Variants in PRLR observed in about 807,000 individuals in gnomAD.
The protein encoded by PRLR is hPRL receptor.
PRLR carries 13 observed loss-of-function variants against 40.2 expected under a neutral mutation model. That is an observed-to-expected ratio of 0.32 (90% confidence interval 0.21 to 0.51). The LOEUF (loss-of-function observed/expected upper bound fraction) is 0.51, where lower values mean the gene tolerates loss of function less well. Among genes scored for constraint, PRLR ranks in the 20% least tolerant of loss-of-function variants. The pLI, the probability that PRLR is intolerant of heterozygous loss-of-function variation, is 0.97. For synonymous variants in PRLR, 269 were observed against 278.7 expected (o/e 0.97, Z 0.35); for missense variants, 656 against 747.3 (o/e 0.88, Z 1.42).
At chr5:35,104,193 G>A (rs1000105672) in intron 2 of PRLR, among the ~76,000 whole-genome samples, 4 of 152,078 alleles carry the variant, frequency 2.6e-5, no homozygotes, top group African/African-American at 4.8e-5. Context: ...CTCACCCTCC[G>A]TCCACATGTA....
intron 1 of PRLR, among the ~76,000 whole-genome samples, chr5:35,131,863 T>C (rs573906482): frequency 5.9e-5 from 9 of 152,316 alleles, no homozygotes; most frequent in African/African-American, 2.2e-4. Flanking sequence ...TTCACTGCTA[T>C]GATGTCTTGT....
At chr5:35,136,933 C>T (rs774940967) in intron 1 of PRLR, among the ~76,000 whole-genome samples, 1 of 141,624 alleles carries the variant, frequency 7.1e-6, no homozygotes, top group Admixed American at 6.8e-5. Context: ...AGAACTATTG[C>T]CTTCCAGAAA....
At chr5:35,077,939 T>G (rs913417113) in intron 5 of PRLR, among the ~76,000 whole-genome samples, 40 of 152,318 alleles carry the variant, frequency 2.6e-4, no homozygotes, top group African/African-American at 9.6e-4. Context: ...CTGAACAACC[T>G]GCTCCTGAAT....
intron 2 of PRLR, among the ~76,000 whole-genome samples, chr5:35,107,135 A>G (rs1219475909): frequency 6.6e-6 from 1 of 152,248 alleles, no homozygotes; most frequent in Non-Finnish European, 1.5e-5. Context: ...TACTGGGTAA[A>G]TAAGTAAATG....
intron 1 of PRLR, among the ~76,000 whole-genome samples, chr5:35,128,542 C>A (rs749832307): frequency 6.0e-5 from 9 of 149,632 alleles, no homozygotes; most frequent in Non-Finnish European, 7.4e-5. Flanking sequence ...ATGTTTTATC[C>A]TTGATTGGTT....
chr5:35,150,950 A>G (rs903191621), intron 1 of PRLR, among the ~76,000 whole-genome samples: 1 of 152,194 alleles, frequency 6.6e-6, no homozygotes, highest in Non-Finnish European at 1.5e-5. Flanking sequence ...AATAGTAGGC[A>G]TATAAAACAT....
intron 2 of PRLR, among the ~76,000 whole-genome samples, chr5:35,110,361 A>C (rs1366602347): frequency 6.6e-6 from 1 of 151,076 alleles, no homozygotes; most frequent in Non-Finnish European, 1.5e-5. Flanking sequence ...CTTAAAGTAT[A>C]ATAAAAAAAA....
chr5:35,085,236 A>G (rs1262628515), intron 4 of PRLR, among the ~76,000 whole-genome samples: 1 of 152,138 alleles, frequency 6.6e-6, no homozygotes, highest in Non-Finnish European at 1.5e-5. Flanking sequence ...TCAGCTCAAG[A>G]TACACTGCAC....
intron 1 of PRLR, among the ~76,000 whole-genome samples, chr5:35,163,568 T>C (rs1480359196): frequency 6.6e-6 from 1 of 151,946 alleles, no homozygotes; most frequent in Admixed American, 6.5e-5. Context: ...TAAATTTCTA[T>C]TCACTGCTGG....
chr5:35,075,860 A>G (rs1770057678), intron 5 of PRLR, among the ~76,000 whole-genome samples: 1 of 152,250 alleles, frequency 6.6e-6, no homozygotes, highest in African/African-American at 2.4e-5. Flanking sequence ...AGGATCAGGC[A>G]GCAACATTTG....
intron 8 of PRLR, among the ~76,000 whole-genome samples, chr5:35,049,589 C>A (rs1768407938): frequency 6.6e-6 from 1 of 152,174 alleles, no homozygotes; most frequent in African/African-American, 2.4e-5. Context: ...TCACAACAAA[C>A]CTGACCATTA....
At chr5:35,148,120 G>C (rs1554052111) in intron 1 of PRLR, among the ~76,000 whole-genome samples, 1 of 152,046 alleles carries the variant, frequency 6.6e-6, no homozygotes, top group Non-Finnish European at 1.5e-5. Flanking sequence ...CCTTAAGTTG[G>C]ATAATTTTGC....
At chr5:35,144,655 G>T (rs919826656) in intron 1 of PRLR, among the ~76,000 whole-genome samples, 25 of 37,062 alleles carry the variant, frequency 6.7e-4, no homozygotes, top group African/African-American at 9.9e-4. Context: ...GTAGAGACAG[G>T]GTTTAGCCTG....
intron 5 of PRLR, 62 bp from the exon 6 acceptor site, chr5:35,072,806 A>G: frequency 6.4e-7 from 1 of 1,562,454 alleles, no homozygotes; most frequent in African/African-American, 1.4e-5. Flanking sequence ...TGGCTTTACC[A>G]TTTTCTATTA....
chr5:35,100,879 C>A (rs1771834902), intron 2 of PRLR, among the ~76,000 whole-genome samples: 1 of 152,150 alleles, frequency 6.6e-6, no homozygotes, highest in South Asian at 2.1e-4. Flanking sequence ...CTCTTGAGTT[C>A]ATGCTGACCA....
intron 1 of PRLR, among the ~76,000 whole-genome samples, chr5:35,195,935 G>A (rs1004806798): frequency 6.6e-6 from 1 of 151,992 alleles, no homozygotes; most frequent in Non-Finnish European, 1.5e-5. Context: ...TCTTTAACAG[G>A]CTCTAAGCAA....
At chr5:35,093,164 A>G (rs1771325351) in intron 2 of PRLR, among the ~76,000 whole-genome samples, 2 of 152,196 alleles carry the variant, frequency 1.3e-5, no homozygotes, top group African/African-American at 4.8e-5. Flanking sequence ...AACTAGAGCC[A>G]GTCTCCCTAC....
At chr5:35,164,818 G>A (rs75392528) in intron 1 of PRLR, among the ~76,000 whole-genome samples, 3,821 of 152,240 alleles carry the variant, frequency 0.025, 75 homozygotes, top group Non-Finnish European at 0.036. Context: ...GGATGGTAGC[G>A]GTGGAACTGG....
At chr5:35,095,201 G>C (rs970420359) in intron 2 of PRLR, among the ~76,000 whole-genome samples, 3 of 152,192 alleles carry the variant, frequency 2.0e-5, no homozygotes, top group Admixed American at 6.5e-5. Context: ...AATGTGCTCA[G>C]GGCGGGAAGA....
Sources: allele counts gnomAD v4.1 joint callset (sites outside exome capture counted in the v4.1 genomes callset), GRCh38; gene constraint gnomAD v4.1.1; transcripts MANE v1.5; gene names NCBI Gene and HGNC (gene_info 2026-07-23, HGNC 2026-07-21).